COP1: variants seen among roughly 807,000 people sequenced by gnomAD.
COP1 encodes E3 ubiquitin-protein ligase COP1.
A neutral mutation model predicts 101.3 loss-of-function variants in COP1; 24 were observed. That is an observed-to-expected ratio of 0.24 (90% confidence interval 0.17 to 0.33). The LOEUF (loss-of-function observed/expected upper bound fraction) is 0.33, where lower values mean the gene tolerates loss of function less well. COP1 is among the 10% of genes least tolerant of loss of function. The pLI is 1.00. For missense variants in COP1, 663 were observed against 906.2 expected, an observed-to-expected ratio of 0.73 and a Z score of 3.45; for synonymous variants, 347 against 341.9, an observed-to-expected ratio of 1.01 and a Z score of -0.17.
At chr1:176,192,258 T>C (rs1479949956) in intron 1 of COP1, among the ~76,000 whole-genome samples, 3 of 152,128 alleles carry the variant, frequency 2.0e-5, no homozygotes, top group African/African-American at 7.2e-5. Context: ...TCAGTTCTAA[T>C]TACCACCAAG....
At chr1:176,082,145 A>G (rs570754180) in intron 10 of COP1, among the ~76,000 whole-genome samples, 34 of 152,228 alleles carry the variant, frequency 2.2e-4, no homozygotes, top group Non-Finnish European at 1.9e-4. Context: ...ATTGCTTTTC[A>G]GCACTGTGTC....
At chr1:176,005,945 G>A (rs556922230) in intron 15 of COP1, among the ~76,000 whole-genome samples, 2 of 152,228 alleles carry the variant, frequency 1.3e-5, no homozygotes, top group East Asian at 3.9e-4. Context: ...TGTTGACAGT[G>A]GGGTGTTAAA....
chr1:176,186,956 C>T (rs188181074), intron 1 of COP1, among the ~76,000 whole-genome samples: 3 of 152,136 alleles, frequency 2.0e-5, no homozygotes, highest in East Asian at 1.9e-4. Context: ...CTCCATCATC[C>T]GTTAGTTTAT....
At chr1:176,132,493 A>G (rs1167692375) in intron 8 of COP1, among the ~76,000 whole-genome samples, 2 of 150,982 alleles carry the variant, frequency 1.3e-5, no homozygotes, top group Admixed American at 6.6e-5. Context: ...ACAAACCAAG[A>G]TGGGGGTATG....
intron 9 of COP1, among the ~76,000 whole-genome samples, chr1:176,109,449 T>C (rs371970215): frequency 6.6e-6 from 1 of 152,222 alleles, no homozygotes; most frequent in Non-Finnish European, 1.5e-5. Context: ...TTTTGGTAGA[T>C]TTTAAATTTT....
intron 11 of COP1, among the ~76,000 whole-genome samples, chr1:176,058,341 G>A (rs1297839927): frequency 6.6e-6 from 1 of 152,196 alleles, no homozygotes; most frequent in Non-Finnish European, 1.5e-5. Context: ...GAAAGGTGGG[G>A]AAAAGATTGA....
At chr1:176,135,930 A>G (rs2502846) in intron 7 of COP1, among the ~76,000 whole-genome samples, 149,784 of 152,090 alleles carry the variant, frequency 0.98, 73,809 homozygotes, top group East Asian at 1. Flanking sequence ...ATCAGCAAAA[A>G]AAAATTACAA....
intron 11 of COP1, among the ~76,000 whole-genome samples, chr1:176,078,522 C>T (rs1678486730): frequency 6.6e-6 from 1 of 151,770 alleles, no homozygotes; most frequent in Admixed American, 6.6e-5. Context: ...AGTCTAAGAC[C>T]TCAAACTATA....
rs145208299 is a variant in COP1 at position 176,191,624 on chromosome 1, C to T, written c.408-6932G>A. ...ATAATAAACCTCAAACTCTTCTTTA[C>T]ACCTATACCGATAACACTAGATCCT... On this transcript the variant is annotated intron_variant, in intron 1 of 19. Transcript: ENST00000367669. 2.6e-3 allele frequency among the ~76,000 whole-genome samples: 402 copies of T among 152,162 alleles called. 3 individuals are homozygous for T. Among genetic ancestry groups the T allele is most frequent in the African/African-American group, 9.2e-3 (382 of 41,542 alleles).
intron 8 of COP1, among the ~76,000 whole-genome samples, chr1:176,119,876 A>C (rs1686821806): frequency 6.6e-6 from 1 of 152,188 alleles, no homozygotes; most frequent in African/African-American, 2.4e-5. Context: ...CTCATTTCTC[A>C]AGTGAGAAAA....
chr1:176,063,211 C>G (rs1257527035), intron 11 of COP1, among the ~76,000 whole-genome samples: 3 of 151,812 alleles, frequency 2.0e-5, no homozygotes, highest in Non-Finnish European at 4.4e-5. Flanking sequence ...AGGCGCCCGC[C>G]ACCGCGCCTG....
chr1:176,143,801 C>T (rs1691128125), intron 6 of COP1, among the ~76,000 whole-genome samples: 5 of 152,112 alleles, frequency 3.3e-5, no homozygotes, highest in Admixed American at 3.3e-4. Context: ...AGTTGATTGA[C>T]TCCCCAATGC....
At chr1:176,126,294 T>C (rs947404356) in intron 8 of COP1, among the ~76,000 whole-genome samples, 11 of 152,206 alleles carry the variant, frequency 7.2e-5, no homozygotes, top group African/African-American at 2.7e-4. Flanking sequence ...CTTGTTGAGT[T>C]CCAGATCTAA....
chr1:175,996,199 C>G lies in COP1; in HGVS notation c.1730-6720G>C, dbSNP rs190374834. On this transcript the variant is annotated intron_variant, in intron 15 of 19. Transcript: ENST00000367669. ...AAGGCCTTTGACAAAATTCAACAAC[C>G]CTTTGTGCTAAAAACTCTCAATAAA... is the stretch of plus-strand genomic sequence containing the variant. 4.1e-3 allele frequency among the ~76,000 whole-genome samples: 627 copies of G among 152,294 alleles called. 2 individuals are homozygous for G. Among genetic ancestry groups the G allele is most frequent in the Non-Finnish European group, 7.3e-3 (497 of 68,034 alleles).
Position 176,192,722 on chromosome 1 carries a change from G to T in COP1, c.408-8030C>A, listed in dbSNP as rs538586571. On this transcript the variant is annotated intron_variant, in intron 1 of 19. Coordinates refer to ENST00000367669, the MANE Select transcript of COP1 (RefSeq NM_022457.7). ...TACACAGGAGGAGCTATAAAAACAG[G>T]AATTTCTATTACAGTATAAGAAAAT... Among the ~76,000 whole-genome samples, 7 of 152,130 alleles carry T rather than the reference G, an allele frequency of 4.6e-5. No individual in the cohort carries two copies. In the East Asian group the frequency reaches 1.2e-3, roughly 25 times the overall value.
chr1:175,989,724 T>C (rs1397397296), intron 15 of COP1, among the ~76,000 whole-genome samples: 1 of 152,114 alleles, frequency 6.6e-6, no homozygotes, highest in African/African-American at 2.4e-5. Flanking sequence ...ATGAAAAAAA[T>C]GTTAATATAA....
intron 15 of COP1, among the ~76,000 whole-genome samples, chr1:176,003,299 T>C (rs997856736): frequency 6.6e-6 from 1 of 152,222 alleles, no homozygotes; most frequent in African/African-American, 2.4e-5. Flanking sequence ...ATTCTGTAGG[T>C]TGCCTGTTCA....
chr1:176,095,170 A>C (rs559926909), intron 9 of COP1, among the ~76,000 whole-genome samples: 1 of 152,330 alleles, frequency 6.6e-6, no homozygotes, highest in East Asian at 1.9e-4. Context: ...TATAAGTTCA[A>C]GGAATACATA....
intron 6 of COP1, among the ~76,000 whole-genome samples, chr1:176,137,190 C>T (rs1193124222): frequency 6.6e-6 from 1 of 152,242 alleles, no homozygotes; most frequent in Non-Finnish European, 1.5e-5. Context: ...TTTTATATCT[C>T]GCCTATTAAA....
Sources: gnomAD v4.1 joint callset for allele counts (sites outside exome capture counted in the v4.1 genomes callset) on GRCh38, gnomAD v4.1.1 for gene constraint, MANE v1.5 for transcripts, NCBI Gene and HGNC (gene_info 2026-07-23, HGNC 2026-07-21) for gene names.